Variants in DENR observed in about 807,000 individuals in gnomAD.
DENR encodes the protein density-regulated protein.
In DENR, 6 loss-of-function variants were observed where a neutral mutation model predicts 30.6. That is an observed-to-expected ratio of 0.20 (90% CI 0.11 to 0.39). The LOEUF (loss-of-function observed/expected upper bound fraction) is 0.39, where lower values mean the gene tolerates loss of function less well. Ranked by LOEUF, DENR falls within the 10% of genes least tolerant of loss-of-function variation. The pLI is 1.00. For synonymous variants in DENR, 78 were observed against 72.1 expected, an observed-to-expected ratio of 1.08 and a Z score of -0.41; for missense variants, 141 against 230.9, an observed-to-expected ratio of 0.61 and a Z score of 2.52.
At chr12:122,753,638 C>A in intron 1 of DENR, 55 bp from the exon 2 acceptor site, 2 of 1,390,890 alleles carry the variant, frequency 1.4e-6, no homozygotes, top group South Asian at 1.2e-5. Context: ...GAACACTGCT[C>A]TTCTGGGGTC....
At chr12:122,757,814 G>C (rs1405565842) in intron 2 of DENR, among the ~76,000 whole-genome samples, 2 of 152,150 alleles carry the variant, frequency 1.3e-5, no homozygotes, top group Non-Finnish European at 2.9e-5. Context: ...ATAACTGTTT[G>C]GAAGGAAGGA....
chr12:122,753,229 C>G (rs1489030537), intron 1 of DENR, among the ~76,000 whole-genome samples: 2 of 151,910 alleles, frequency 1.3e-5, no homozygotes, highest in Non-Finnish European at 2.9e-5. Flanking sequence ...CCAGGCCCCT[C>G]TCATGGCGTT....
chr12:122,759,646 A>C (rs941147564), intron 2 of DENR, among the ~76,000 whole-genome samples: 1 of 152,102 alleles, frequency 6.6e-6, no homozygotes, highest in Non-Finnish European at 1.5e-5. Flanking sequence ...ACTTGGACCC[A>C]GGAGGTAGAG....
chr12:122,769,512 CTCT>C lies in DENR; in HGVS notation c.*436_*438del. On this transcript the variant is annotated 3_prime_UTR_variant, in exon 8 of 8. Coordinates refer to ENST00000280557, the MANE Select transcript of DENR (RefSeq NM_003677.5). ...ACTGACTTTCTCTCTCTCTCTCTCTCTCTTTTTTTTTTTTGACAGAGTCTCGCA... is the reference window on the plus strand; with the variant it reads ...ACTGACTTTCTCTCTCTCTCTCTCTCTTTTTTTTTTTGACAGAGTCTCGCA... 23 of 958,714 alleles carry C rather than the reference CTCT, an allele frequency of 2.4e-5. No homozygotes were observed. The highest frequency in any genetic ancestry group is 2.3e-4 in the South Asian group (5 of 22,152). 59.4% of individuals were successfully genotyped at this position (958,714 alleles called of 1,614,324 possible).
intron 2 of DENR, 75 bp downstream of exon 2, chr12:122,753,882 T>G: frequency 8.3e-7 from 1 of 1,203,754 alleles, no homozygotes. Flanking sequence ...TGACATTTGG[T>G]AAGCTTTCTT....
Position 122,769,159 on chromosome 12 carries a change from TA to T in DENR, c.*82del. 7.5e-7 allele frequency: 1 copy of T among 1,324,846 alleles called. No homozygotes were observed. The highest frequency in any genetic ancestry group is 2.9e-5 in the East Asian group (1 of 34,900). 82.1% of individuals were successfully genotyped at this position (1,324,846 alleles called of 1,614,324 possible). A position where few individuals can be genotyped will look rare whatever the true frequency, so the allele number is the denominator to read the frequency against. On this transcript the variant is annotated 3_prime_UTR_variant, in exon 8 of 8. Transcript: ENST00000280557. ...GGAGAGAGGCCTTTTAAAATATATA[TA>T]TATATACACATATATATGTATATAT...
At chr12:122,768,230 T>A (rs1476620758) in intron 6 of DENR, 1 of 152,650 alleles carries the variant, frequency 6.6e-6, no homozygotes. Context: ...GCGTGATGGC[T>A]CACACCTGTT....
rs569453773 is a variant in DENR, at chr12:122,754,664, A to G, written c.106+857A>G. 1.8e-4 allele frequency among the ~76,000 whole-genome samples: 28 copies of G among 152,334 alleles called. 1 individual carries two copies. The South Asian group carries it at 5.6e-3, about 30-fold the overall frequency. ...TCTGACATTTAAGTACCGTAGAAGG[A>G]GAAATGATATCTTTTTGCCATTAAA... is the stretch of plus-strand genomic sequence containing the variant. On this transcript the variant is annotated intron_variant, in intron 2 of 7. Transcript: ENST00000280557.
At chr12:122,759,072 T>C (rs1305780384) in intron 2 of DENR, among the ~76,000 whole-genome samples, 1 of 151,980 alleles carries the variant, frequency 6.6e-6, no homozygotes, top group Non-Finnish European at 1.5e-5. Context: ...CTTGAACTCC[T>C]GACCTCAGGT....
intron 2 of DENR, among the ~76,000 whole-genome samples, chr12:122,755,173 G>C (rs1409563438): frequency 1.3e-5 from 2 of 152,206 alleles, no homozygotes; most frequent in Non-Finnish European, 2.9e-5. Context: ...CTGGAACGAG[G>C]TGAACTGGGT....
At position 122,752,887 on chromosome 12, in the gene DENR, A is replaced by C. The variant is rs919043924; in HGVS notation, c.-73A>C. 2.0e-5 allele frequency: 3 copies of C among 152,520 alleles called. No individual in the cohort carries two copies. Among genetic ancestry groups the C allele is most frequent in the Admixed American group, 6.5e-5 (1 of 15,290 alleles). 9.4% of individuals were successfully genotyped at this position (152,520 alleles called of 1,614,324 possible). A position where few individuals can be genotyped will look rare whatever the true frequency, so the allele number is the denominator to read the frequency against. ...GGCCCTGGCCGGGGAGACGAGTTGC[A>C]TGTGTTGGTTCAGCTGGCGATAGCG... On this transcript the variant is annotated 5_prime_UTR_variant, in exon 1 of 8. It removes an upstream start codon present in the reference 5' UTR. Coordinates refer to ENST00000280557, the MANE Select transcript of DENR (RefSeq NM_003677.5).
In DENR at chr12:122,770,836, C is replaced by T; in HGVS notation, c.*1758C>T. On this transcript the variant is annotated 3_prime_UTR_variant, in exon 8 of 8. Transcript: ENST00000280557. ...AATTCTCCATTAACTGTGGATTTTA[C>T]TAAATAGAATTACTGGTGAAGCAGA... The T allele has an allele frequency of 2.5e-6, 1 of 396,362 alleles. No individual in the cohort carries two copies. Among genetic ancestry groups the T allele is most frequent in the Non-Finnish European group, 4.4e-6 (1 of 225,630 alleles). 24.6% of individuals were successfully genotyped at this position (396,362 alleles called of 1,614,324 possible).
At chr12:122,764,374 C>T (rs1246274351) in intron 4 of DENR, among the ~76,000 whole-genome samples, 1 of 152,014 alleles carries the variant, frequency 6.6e-6, no homozygotes, top group Admixed American at 6.6e-5. Flanking sequence ...CCGAGGCAGG[C>T]GGATCACAAG....
intron 4 of DENR, among the ~76,000 whole-genome samples, chr12:122,764,469 G>T (rs909969550): frequency 6.6e-6 from 1 of 152,068 alleles, no homozygotes; most frequent in African/African-American, 2.4e-5. Context: ...CGAGGTGGCG[G>T]GCGCCTGTAG....
intron 4 of DENR, among the ~76,000 whole-genome samples, chr12:122,763,762 T>C (rs1419909404): frequency 6.6e-6 from 1 of 152,234 alleles, no homozygotes; most frequent in Non-Finnish European, 1.5e-5. Flanking sequence ...ATTTTTATTG[T>C]AAGTGTACTA....
chr12:122,764,405 C>CT (rs1878789842), intron 4 of DENR, among the ~76,000 whole-genome samples: 2 of 152,152 alleles, frequency 1.3e-5, no homozygotes. Context: ...CGAGACCATC[C>CT]TGGCTAACAC....
Position 122,762,295 on chromosome 12 carries a change from T to C in DENR, c.126+89T>C, listed in dbSNP as rs907024078. On this transcript the variant is annotated intron_variant, in intron 3 of 7. Transcript: ENST00000280557. ...CTTGAGAATTTTTTTTTATTTTTCA[T>C]TTTTGATTATTTGATAGTAAAGCTT... is the stretch of plus-strand genomic sequence containing the variant. The C allele has an allele frequency of 1.9e-4, 179 of 919,296 alleles. 1 individual carries two copies. Among genetic ancestry groups the C allele is most frequent in the Admixed American group, 6.1e-5 (2 of 32,624 alleles). 56.9% of individuals were successfully genotyped at this position (919,296 alleles called of 1,614,324 possible).
In DENR at chr12:122,767,521, C is replaced by G; in HGVS notation, c.329C>G (p.Thr110Ser). The G allele has an allele frequency of 6.3e-7, 1 of 1,588,404 alleles. No individual in the cohort carries two copies. The highest frequency in any genetic ancestry group is 8.6e-7 in the Non-Finnish European group (1 of 1,167,976). Reference sequence around the variant, plus strand: ...GGTCAAATAAAACAAAAAAAGAAGACCGTACCACAAAAGGTTACTATAGCC... The same window carrying G: ...GGTCAAATAAAACAAAAAAAGAAGAGCGTACCACAAAAGGTTACTATAGCC... ...GRGQIKQKKK[T>S]VPQKVTIAKI... The change falls in exon 6 of 8, where the codon ACC becomes AGC. Residue 110 changes from threonine to serine, a missense_variant. Around this residue, in one of 2 missense-constraint regions of DENR, gnomAD observed 104 missense variants for 138.3 expected, o/e 0.75. Coordinates refer to ENST00000280557, the MANE Select transcript of DENR (RefSeq NM_003677.5).
intron 1 of DENR, among the ~76,000 whole-genome samples, chr12:122,753,236 C>A (rs141047680): frequency 6.6e-6 from 1 of 151,476 alleles, no homozygotes; most frequent in Non-Finnish European, 1.5e-5. Context: ...CCTCTCATGG[C>A]GTTTAGTTGC....
Sources: gnomAD v4.1 joint callset for allele counts (sites outside exome capture counted in the v4.1 genomes callset) on GRCh38, gnomAD v4.1.1 for gene constraint, gnomAD v4.1.1 regional missense constraint, MANE v1.5 for transcripts, NCBI Gene and HGNC (gene_info 2026-07-23, HGNC 2026-07-21) for gene names.